PRMT8: variants seen among roughly 807,000 people sequenced by gnomAD.
PRMT8 encodes protein arginine methyltransferase 8, also known as protein arginine N-methyltransferase 8.
PRMT8 carries 7 observed loss-of-function variants against 47.1 expected under a neutral mutation model. That is an observed-to-expected ratio of 0.15 (90% CI 0.08 to 0.28). PRMT8 has a LOEUF of 0.28. PRMT8 is among the 10% of genes least tolerant of loss of function. The pLI is 1.00. For missense variants in PRMT8, 237 were observed against 505.4 expected (o/e 0.47, Z 5.09); for synonymous variants, 188 against 186.5 (o/e 1.01, Z -0.07).
Position 3,593,727 on chromosome 12 carries a change from G to GGT in PRMT8, c.*559_*560dup, listed in dbSNP as rs138001277. ...GTAGACCTAGGTGTTCTCTCAGAGG[G>GGT]GTGTGTGTGTGTGTGCGTGCGCGTG... On this transcript the variant is annotated 3_prime_UTR_variant, in exon 10 of 10. Coordinates refer to ENST00000382622, the MANE Select transcript of PRMT8 (RefSeq NM_019854.5). The surrounding 1 kb of genome is among the most constrained non-coding windows in gnomAD (Gnocchi z 4.8). 12 of 157,418 alleles carry GGT rather than the reference G, an allele frequency of 7.6e-5. No homozygotes were observed. Among genetic ancestry groups the GGT allele is most frequent in the Non-Finnish European group, 1.1e-4 (8 of 72,176 alleles). 9.8% of individuals were successfully genotyped at this position (157,418 alleles called of 1,614,324 possible).
chr12:3,538,985 C>A lies in PRMT8; in HGVS notation c.76-1621C>A, dbSNP rs145380136. ...CAGCTCACTCCCCTGCAGCCCTGGA[C>A]ACAGAACAGTCTTGGGACTGCGCGG... On this transcript the variant is annotated intron_variant, in intron 1 of 9. Coordinates refer to ENST00000382622, the MANE Select transcript of PRMT8 (RefSeq NM_019854.5). The surrounding 1 kb of genome is among the most constrained non-coding windows in gnomAD (Gnocchi z 4.6). Among the ~76,000 whole-genome samples the A allele has an allele frequency of 5.2e-3, 799 of 152,344 alleles. 2 individuals are homozygous for A. The highest frequency in any genetic ancestry group is 8.3e-3 in the Non-Finnish European group (566 of 68,032).
At chr12:3,491,059 C>A, upstream of PRMT8, 1 of 658,386 alleles carries the variant, frequency 1.5e-6, no homozygotes, top group Non-Finnish European at 1.9e-6. Flanking sequence ...GCGGCCGAGA[C>A]CCTCGGAGAC....
At chr12:3,581,781 C>T (rs1418714848) in intron 7 of PRMT8, among the ~76,000 whole-genome samples, 1 of 152,200 alleles carries the variant, frequency 6.6e-6, no homozygotes, top group Non-Finnish European at 1.5e-5. Flanking sequence ...CTACACACCC[C>T]AGATCCTAGG....
rs931472054 is a variant in PRMT8, at chr12:3,535,630, C to T, written c.76-4976C>T. On this transcript the variant is annotated intron_variant, in intron 1 of 9. Transcript: ENST00000382622. This position sits in a 1 kb window ranked among gnomAD's most constrained non-coding sequence, Gnocchi z 4.7. ...ATGGTGCAGAAACAGGTACCAGAAC[C>T]GACTCCAGGGCAGAGCAGGCAGGGC... Among the ~76,000 whole-genome samples, 2 of 152,118 alleles carry T rather than the reference C, an allele frequency of 1.3e-5. No individual in the cohort carries two copies. Among genetic ancestry groups the T allele is most frequent in the East Asian group, 1.9e-4 (1 of 5,170 alleles).
At chr12:3,574,009 G>A (rs765359960) in intron 6 of PRMT8, 22 of 152,180 alleles carry the variant, frequency 1.4e-4, no homozygotes, top group Admixed American at 1.4e-3. Flanking sequence ...TCCCTTGGGT[G>A]ATCTGTGCTC....
At chr12:3,415,768 C>G (rs970016174) in intron 1 of PRMT8, among the ~76,000 whole-genome samples, 1 of 152,220 alleles carries the variant, frequency 6.6e-6, no homozygotes, top group African/African-American at 2.4e-5. Context: ...CCCTCACTGT[C>G]GTTGTATGCA....
Position 3,522,726 on chromosome 12 carries a change from G to A in PRMT8, c.76-17880G>A, listed in dbSNP as rs11062698. Among the ~76,000 whole-genome samples, 1,387 of 148,568 alleles carry A rather than the reference G, an allele frequency of 9.3e-3. 13 individuals are homozygous for A. Among genetic ancestry groups the A allele is most frequent in the East Asian group, 0.055 (280 of 5,090 alleles). ...AGGTGCTCCTAACCACCAAACCACC[G>A]TGCAAATAGCTAAACAAGGGTAAAT... is the stretch of plus-strand genomic sequence containing the variant. On this transcript the variant is annotated intron_variant, in intron 1 of 9. Coordinates refer to ENST00000382622, the MANE Select transcript of PRMT8 (RefSeq NM_019854.5).
At chr12:3,520,045 A>G (rs1361340059) in intron 1 of PRMT8, among the ~76,000 whole-genome samples, 3 of 152,182 alleles carry the variant, frequency 2.0e-5, no homozygotes, top group African/African-American at 7.2e-5. Context: ...AAGTCTGCCG[A>G]GACGCTTTGA....
At chr12:3,419,394 A>C (rs1864515984) in intron 1 of PRMT8, among the ~76,000 whole-genome samples, 1 of 152,110 alleles carries the variant, frequency 6.6e-6, no homozygotes, top group Non-Finnish European at 1.5e-5. Context: ...TATCTGACCT[A>C]TCTGCTTCCA....
intron 4 of PRMT8, 152 bp downstream of exon 4, chr12:3,553,866 A>G (rs1348434682): frequency 2.9e-6 from 2 of 696,002 alleles, no homozygotes; most frequent in South Asian, 1.7e-5. Context: ...GACTGCGGCC[A>G]TGGGTACTGA....
chr12:3,512,913 C>T (rs942428250), intron 1 of PRMT8, among the ~76,000 whole-genome samples: 2 of 152,156 alleles, frequency 1.3e-5, no homozygotes, highest in Non-Finnish European at 2.9e-5. Context: ...TCTCATTTGC[C>T]CTCAGTGAGC....
At chr12:3,546,801 T>A (rs1040973523) in intron 2 of PRMT8, among the ~76,000 whole-genome samples, 2 of 152,120 alleles carry the variant, frequency 1.3e-5, no homozygotes, top group Non-Finnish European at 2.9e-5. Context: ...AGAGAACACT[T>A]CCTAACTTAT....
At chr12:3,488,689 A>G (rs1362749497), upstream of PRMT8, among the ~76,000 whole-genome samples, 5 of 152,252 alleles carry the variant, frequency 3.3e-5, no homozygotes, top group African/African-American at 1.2e-4. Flanking sequence ...GGGATGACTA[A>G]ACTAATTAAC....
At chr12:3,420,957 G>C (rs1405300125) in intron 1 of PRMT8, among the ~76,000 whole-genome samples, 2 of 152,190 alleles carry the variant, frequency 1.3e-5, no homozygotes, top group Admixed American at 1.3e-4. Flanking sequence ...AGCATCTACT[G>C]CATGTTTTCA....
At chr12:3,586,456 C>A (rs1368011198) in intron 8 of PRMT8, among the ~76,000 whole-genome samples, 1 of 152,202 alleles carries the variant, frequency 6.6e-6, no homozygotes, top group East Asian at 1.9e-4. Context: ...TGCCTCCTCC[C>A]TTTTGCACAG....
At chr12:3,588,067 G>A (rs907131609) in intron 8 of PRMT8, among the ~76,000 whole-genome samples, 8 of 152,186 alleles carry the variant, frequency 5.3e-5, no homozygotes, top group African/African-American at 1.9e-4. Context: ...GGAAGGGCAG[G>A]AGCCCCAGCA....
Position 3,586,858 on chromosome 12 carries a change from C to T in PRMT8, c.979+3650C>T, listed in dbSNP as rs144849539. 2.6e-3 allele frequency among the ~76,000 whole-genome samples: 399 copies of T among 152,326 alleles called. 4 individuals are homozygous for T. Among genetic ancestry groups the T allele is most frequent in the African/African-American group, 9.3e-3 (388 of 41,572 alleles). On this transcript the variant is annotated intron_variant, in intron 8 of 9. Transcript: ENST00000382622. Reference sequence around the variant, plus strand: ...CCAAGACTCTTTGCTTTCTGGCTGACGTAGATCCCTCTTCTTGGCACATGC... The same window carrying T: ...CCAAGACTCTTTGCTTTCTGGCTGATGTAGATCCCTCTTCTTGGCACATGC...
intron 2 of PRMT8, among the ~76,000 whole-genome samples, chr12:3,546,032 G>A (rs1322137144): frequency 6.6e-6 from 1 of 152,118 alleles, no homozygotes; most frequent in Non-Finnish European, 1.5e-5. Context: ...TAGAAACTGA[G>A]AACAATAAAC....
chr12:3,424,342 G>A (rs143958951), intron 1 of PRMT8, among the ~76,000 whole-genome samples: 2,471 of 152,250 alleles, frequency 0.016, 73 homozygotes, highest in African/African-American at 0.056. Flanking sequence ...TTCTGAAGGT[G>A]GACTGGATCC....
Sources: gnomAD v4.1 joint callset for allele counts (sites outside exome capture counted in the v4.1 genomes callset) on GRCh38, gnomAD v4.1.1 for gene constraint, Gnocchi (gnomAD v3.1) non-coding constraint, MANE v1.5 for transcripts, NCBI Gene and HGNC (gene_info 2026-07-23, HGNC 2026-07-21) for gene names.